The following KCNIP4 variants were observed in gnomAD, a reference collection of about 807,000 sequenced individuals.
KCNIP4 encodes the protein Kv channel-interacting protein 4.
KCNIP4 carries 12 observed loss-of-function variants against 34.0 expected under a neutral mutation model. The observed-to-expected ratio is 0.35, with a 90% confidence interval of 0.23 to 0.57. The LOEUF (loss-of-function observed/expected upper bound fraction) is 0.57, where lower values mean the gene tolerates loss of function less well. Among genes scored for constraint, KCNIP4 ranks in the 20% least tolerant of loss-of-function variants. The pLI is 0.83. For missense variants in KCNIP4, 238 were observed against 311.7 expected (o/e 0.76, Z 1.78); for synonymous variants, 124 against 102.2 (o/e 1.21, Z -1.29).
At chr4:20,845,393 T>C (rs1720246234) in intron 3 of KCNIP4, among the ~76,000 whole-genome samples, 1 of 152,124 alleles carries the variant, frequency 6.6e-6, no homozygotes, top group Admixed American at 6.6e-5. Context: ...TCCCACCTTG[T>C]GATAATGCAC....
intron 1 of KCNIP4, among the ~76,000 whole-genome samples, chr4:21,796,185 T>C (rs982901229): frequency 3.9e-5 from 6 of 152,214 alleles, no homozygotes; most frequent in African/African-American, 1.2e-4. Flanking sequence ...CTCTGGTTTC[T>C]CATGGGATGT....
chr4:21,363,240 C>A (rs1019470341), intron 1 of KCNIP4, among the ~76,000 whole-genome samples: 4 of 152,162 alleles, frequency 2.6e-5, no homozygotes, highest in Non-Finnish European at 5.9e-5. Context: ...ACTGCCACAG[C>A]CCTGTGGCTC....
At chr4:21,145,170 C>T (rs556524936) in intron 1 of KCNIP4, among the ~76,000 whole-genome samples, 1 of 152,268 alleles carries the variant, frequency 6.6e-6, no homozygotes, top group Non-Finnish European at 1.5e-5. Flanking sequence ...TCTAAACTCC[C>T]TGCAACTCCA....
chr4:21,866,674 G>A (rs112324415), intron 1 of KCNIP4, among the ~76,000 whole-genome samples: 1 of 151,330 alleles, frequency 6.6e-6, no homozygotes, highest in Non-Finnish European at 1.5e-5. Flanking sequence ...CATAAATACT[G>A]GTCAAACTGT....
intron 1 of KCNIP4, among the ~76,000 whole-genome samples, chr4:21,642,061 C>A (rs1452697118): frequency 6.6e-6 from 1 of 152,172 alleles, no homozygotes; most frequent in Non-Finnish European, 1.5e-5. Flanking sequence ...ATGTTTCTGC[C>A]AACACTACCT....
At chr4:21,229,475 T>C (rs987030736) in intron 1 of KCNIP4, among the ~76,000 whole-genome samples, 4 of 152,194 alleles carry the variant, frequency 2.6e-5, no homozygotes, top group Admixed American at 2.6e-4. Context: ...CCCTGTTAAT[T>C]TGATTATTTA....
intron 3 of KCNIP4, among the ~76,000 whole-genome samples, chr4:20,840,154 T>G (rs1719548715): frequency 6.6e-6 from 1 of 152,172 alleles, no homozygotes; most frequent in African/African-American, 2.4e-5. Flanking sequence ...AATGACTCAT[T>G]GCTGGGAGAA....
At chr4:20,886,414 A>T (rs1725319481) in intron 1 of KCNIP4, among the ~76,000 whole-genome samples, 1 of 152,132 alleles carries the variant, frequency 6.6e-6, no homozygotes, top group South Asian at 2.1e-4. Context: ...GAGAGAATTG[A>T]TGTATGCGTG....
intron 1 of KCNIP4, among the ~76,000 whole-genome samples, chr4:21,505,403 T>C (rs181944962): frequency 2.6e-5 from 4 of 152,276 alleles, no homozygotes; most frequent in Admixed American, 1.3e-4. Context: ...CATTAGACAA[T>C]ACCCTTATGT....
At chr4:20,897,294 G>C (rs1039375074) in intron 1 of KCNIP4, among the ~76,000 whole-genome samples, 1 of 144,538 alleles carries the variant, frequency 6.9e-6, no homozygotes, top group Non-Finnish European at 1.5e-5. Flanking sequence ...TTCTTTCCTT[G>C]CCACTGCTGG....
intron 1 of KCNIP4, among the ~76,000 whole-genome samples, chr4:21,027,579 A>AAT (rs201552512): frequency 1.1e-3 from 166 of 148,618 alleles, no homozygotes; most frequent in African/African-American, 4.0e-3. Context: ...ATATATTATA[A>AAT]ATATATATAT....
intron 1 of KCNIP4, among the ~76,000 whole-genome samples, chr4:21,247,820 T>TATATATATATATATAC (rs767314805): frequency 9.9e-6 from 1 of 101,176 alleles, no homozygotes; most frequent in African/African-American, 4.5e-5. Flanking sequence ...TATATATATA[T>TATATATATATATATAC]ACACACACAC....
intron 1 of KCNIP4, among the ~76,000 whole-genome samples, chr4:21,182,651 A>G (rs1232363393): frequency 2.6e-5 from 4 of 151,850 alleles, no homozygotes; most frequent in African/African-American, 7.3e-5. Context: ...CAAGTCTCCA[A>G]TGTCTATTAT....
At chr4:20,778,348 T>G (rs1756560583) in intron 3 of KCNIP4, among the ~76,000 whole-genome samples, 1 of 152,222 alleles carries the variant, frequency 6.6e-6, no homozygotes. Flanking sequence ...TGTAGAACCT[T>G]AAATTCTTAA....
intron 3 of KCNIP4, among the ~76,000 whole-genome samples, chr4:20,826,317 G>A (rs35169842): frequency 0.17 from 25,536 of 152,082 alleles, 2,594 homozygotes; most frequent in East Asian, 0.35. Context: ...GCTCACGTCT[G>A]TAGTCCCAGC....
At chr4:21,058,728 T>G (rs28513211) in intron 1 of KCNIP4, among the ~76,000 whole-genome samples, 1 of 152,264 alleles carries the variant, frequency 6.6e-6, no homozygotes, top group Non-Finnish European at 1.5e-5. Context: ...AACTTTTTTC[T>G]ATAATAAGCT....
chr4:21,599,267 C>T (rs1282765510), intron 1 of KCNIP4, among the ~76,000 whole-genome samples: 1 of 151,940 alleles, frequency 6.6e-6, no homozygotes, highest in Non-Finnish European at 1.5e-5. Context: ...GTCTGTACAA[C>T]CTTTTGATTC....
chr4:21,919,054 G>T (rs568370611), intron 1 of KCNIP4, among the ~76,000 whole-genome samples: 1 of 152,160 alleles, frequency 6.6e-6, no homozygotes, highest in Non-Finnish European at 1.5e-5. Context: ...GAACAAAAGA[G>T]ATTCTTCCAG....
intron 1 of KCNIP4, among the ~76,000 whole-genome samples, chr4:21,483,922 G>T (rs983517314): frequency 6.6e-6 from 1 of 152,056 alleles, no homozygotes; most frequent in Non-Finnish European, 1.5e-5. Context: ...ATGATTGAAA[G>T]TTTCCTGAGG....
Sources: allele counts gnomAD v4.1 joint callset (sites outside exome capture counted in the v4.1 genomes callset), GRCh38; gene constraint gnomAD v4.1.1; transcripts MANE v1.5; gene names NCBI Gene and HGNC (gene_info 2026-07-23, HGNC 2026-07-21).